Variants in GRIA1 observed in about 807,000 individuals in gnomAD.
The protein encoded by GRIA1 is glutamate receptor 1.
In GRIA1, 31 loss-of-function variants were observed where a neutral mutation model predicts 99.2. That is an observed-to-expected ratio of 0.31 (90% CI 0.23 to 0.42). GRIA1 has a LOEUF of 0.42. Among genes scored for constraint, GRIA1 ranks in the 10% least tolerant of loss-of-function variants. The probability of loss-of-function intolerance (pLI) is 1.00; values close to 1 mark genes in which losing one functional copy is unlikely to be tolerated. For missense variants in GRIA1, 782 were observed against 1,157.5 expected (o/e 0.68, Z 4.71); for synonymous variants, 438 against 432.4 (o/e 1.01, Z -0.16).
At chr5:153,777,736 A>G (rs1764354060) in intron 13 of GRIA1, among the ~76,000 whole-genome samples, 1 of 152,120 alleles carries the variant, frequency 6.6e-6, no homozygotes, top group Non-Finnish European at 1.5e-5. Context: ...TCTGAGAACA[A>G]TTTGTGGTCC....
At chr5:153,791,531 A>G (rs1162525241) in intron 13 of GRIA1, among the ~76,000 whole-genome samples, 1 of 152,230 alleles carries the variant, frequency 6.6e-6, no homozygotes, top group Non-Finnish European at 1.5e-5. Context: ...ACAGTACCCC[A>G]CCTGCACTCA....
At chr5:153,775,034 AG>A (rs1358484711) in intron 13 of GRIA1, among the ~76,000 whole-genome samples, 1 of 152,222 alleles carries the variant, frequency 6.6e-6, no homozygotes, top group African/African-American at 2.4e-5. Context: ...ACAAGCCCTC[AG>A]GTTGTAGATA....
At chr5:153,738,672 A>G (rs997240052) in intron 11 of GRIA1, among the ~76,000 whole-genome samples, 4 of 147,060 alleles carry the variant, frequency 2.7e-5, no homozygotes, top group Non-Finnish European at 4.5e-5. Flanking sequence ...CCAGGTAATC[A>G]TCTCTGATCT....
chr5:153,632,446 C>T (rs867468782), intron 2 of GRIA1, among the ~76,000 whole-genome samples: 1 of 152,168 alleles, frequency 6.6e-6, no homozygotes, highest in South Asian at 2.1e-4. Flanking sequence ...GCTGGGTTTT[C>T]TTTTTCTAGT....
intron 11 of GRIA1, among the ~76,000 whole-genome samples, chr5:153,709,348 A>C (rs919571462): frequency 6.6e-6 from 1 of 152,216 alleles, no homozygotes; most frequent in Non-Finnish European, 1.5e-5. Flanking sequence ...TTCCTAATTT[A>C]GTATTTGGGG....
chr5:153,513,711 A>G (rs141679660), intron 2 of GRIA1, among the ~76,000 whole-genome samples: 12 of 152,302 alleles, frequency 7.9e-5, no homozygotes, highest in African/African-American at 2.9e-4. Context: ...TCTCTGTTGA[A>G]CAGATCATAA....
intron 8 of GRIA1, 82 bp downstream of exon 8, chr5:153,686,411 AC>A: frequency 1.1e-6 from 1 of 949,890 alleles, no homozygotes; most frequent in Non-Finnish European, 1.7e-6. Context: ...CTGTGAGTCC[AC>A]CTTTTCTGGA....
chr5:153,677,278 C>A, intron 7 of GRIA1, 117 bp downstream of exon 7: 1 of 780,190 alleles, frequency 1.3e-6, no homozygotes, highest in Non-Finnish European at 1.8e-6. Flanking sequence ...AAGTTCAGAA[C>A]AACCACTGCA....
chr5:153,555,448 T>A (rs890099122), intron 2 of GRIA1, among the ~76,000 whole-genome samples: 22 of 152,300 alleles, frequency 1.4e-4, no homozygotes, highest in African/African-American at 5.1e-4. Context: ...TTTTATCATT[T>A]ATAATGTTTC....
intron 2 of GRIA1, among the ~76,000 whole-genome samples, chr5:153,601,092 GAACAGAATGATGATA>G (rs1185087382): frequency 1.3e-5 from 2 of 152,182 alleles, no homozygotes; most frequent in African/African-American, 4.8e-5. Context: ...TTCGCTGGAT[GAACAGAATGATGATA>G]AACAGCTAAC....
chr5:153,553,636 T>C (rs35686288), intron 2 of GRIA1, among the ~76,000 whole-genome samples: 14,089 of 152,192 alleles, frequency 0.093, 808 homozygotes, highest in South Asian at 0.14. Context: ...GTATCCATGC[T>C]CACGTGAGGC....
At chr5:153,577,579 A>T (rs1319326803) in intron 2 of GRIA1, among the ~76,000 whole-genome samples, 2 of 152,200 alleles carry the variant, frequency 1.3e-5, no homozygotes, top group African/African-American at 4.8e-5. Context: ...TTTGAGAGGG[A>T]TCAATGCTTG....
chr5:153,606,402 C>T (rs542527913), intron 2 of GRIA1, among the ~76,000 whole-genome samples: 1 of 152,016 alleles, frequency 6.6e-6, no homozygotes, highest in Non-Finnish European at 1.5e-5. Flanking sequence ...CATTTACATA[C>T]AAATTTTAGA....
intron 2 of GRIA1, among the ~76,000 whole-genome samples, chr5:153,627,283 A>G (rs1767721650): frequency 6.6e-6 from 1 of 152,236 alleles, no homozygotes; most frequent in African/African-American, 2.4e-5. Flanking sequence ...TTGGGTGGGT[A>G]CTATTATTTC....
chr5:153,570,924 C>A, intron 2 of GRIA1, among the ~76,000 whole-genome samples: 1 of 152,082 alleles, frequency 6.6e-6, no homozygotes, highest in East Asian at 1.9e-4. Context: ...TCTCTCAGGC[C>A]TGAATGAGTA....
At chr5:153,686,980 CA>C (rs1757384044) in intron 8 of GRIA1, among the ~76,000 whole-genome samples, 1 of 152,074 alleles carries the variant, frequency 6.6e-6, no homozygotes, top group Non-Finnish European at 1.5e-5. Flanking sequence ...CTGAATACAC[CA>C]TGTTCTTTCT....
intron 13 of GRIA1, among the ~76,000 whole-genome samples, chr5:153,780,191 C>CT (rs1193888853): frequency 1.3e-5 from 2 of 152,064 alleles, no homozygotes; most frequent in African/African-American, 4.8e-5. Flanking sequence ...TTTGCGTTTT[C>CT]TAGGAAGGCA....
intron 14 of GRIA1, among the ~76,000 whole-genome samples, chr5:153,801,114 G>A (rs566891630): frequency 6.6e-6 from 1 of 152,396 alleles, no homozygotes; most frequent in Admixed American, 6.5e-5. Context: ...TTTTGCCTGT[G>A]TCAAGAGTTT....
At chr5:153,604,582 T>C (rs1035456818) in intron 2 of GRIA1, among the ~76,000 whole-genome samples, 1 of 152,154 alleles carries the variant, frequency 6.6e-6, no homozygotes, top group Non-Finnish European at 1.5e-5. Flanking sequence ...CTTGTGCCCA[T>C]CCCTAGCTCT....
Sources: allele counts gnomAD v4.1 joint callset (sites outside exome capture counted in the v4.1 genomes callset), GRCh38; gene constraint gnomAD v4.1.1; transcripts MANE v1.5; gene names NCBI Gene and HGNC (gene_info 2026-07-23, HGNC 2026-07-21).